STARD9: variants seen among roughly 807,000 people sequenced by gnomAD.
STARD9 encodes the protein StAR related lipid transfer domain containing 9, also known as stAR-related lipid transfer protein 9.
Under a neutral mutation model 399.8 loss-of-function variants are expected in STARD9, and 346 were observed. The observed-to-expected ratio is 0.87, with a 90% CI of 0.79 to 0.95. STARD9 has a LOEUF of 0.95. STARD9 is among the 40% of genes least tolerant of loss of function. The pLI, the probability that STARD9 is intolerant of heterozygous loss-of-function variation, is 0.00. For synonymous variants in STARD9, 2,203 were observed against 2,143.5 expected (o/e 1.03, Z -0.77); for missense variants, 5,832 against 5,667.5 (o/e 1.03, Z -0.93).
At chr15:42,642,281 T>TTGA (rs1350580778) in intron 7 of STARD9, among the ~76,000 whole-genome samples, 1 of 152,244 alleles carries the variant, frequency 6.6e-6, no homozygotes, top group African/African-American at 2.4e-5. Flanking sequence ...GAGATGGACC[T>TTGA]TGATAGCTAC....
chr15:42,689,828 T>C lies in STARD9; in HGVS notation c.8250T>C (p.Tyr2750=), dbSNP rs1261277969. Residue 2750 remains tyrosine (Y), a synonymous_variant, in exon 23 of 33, where the codon TAT becomes TAC. Transcript: ENST00000290607. ...CTGCCTTACCTTCTCAGGCCCCTTATGATGATCCTAGAGTGACTCTGCATG... is the reference window on the plus strand; with the variant it reads ...CTGCCTTACCTTCTCAGGCCCCTTACGATGATCCTAGAGTGACTCTGCATG... ...VVAALPSQAP[Y]DDPRVTLHEL... 1.3e-6 allele frequency: 2 copies of C among 1,537,264 alleles called. No individual in the cohort carries two copies. Among genetic ancestry groups the C allele is most frequent in the South Asian group, 1.2e-5 (1 of 84,060 alleles).
At chr15:42,577,289 G>T (rs543793876) in intron 1 of STARD9, among the ~76,000 whole-genome samples, 9 of 152,242 alleles carry the variant, frequency 5.9e-5, no homozygotes, top group Non-Finnish European at 1.0e-4. Flanking sequence ...CAGCAGCTGG[G>T]ACTACAGGCA....
At chr15:42,715,078 C>CA (rs111810960) in intron 26 of STARD9, among the ~76,000 whole-genome samples, 199 of 134,258 alleles carry the variant, frequency 1.5e-3, no homozygotes, top group Middle Eastern at 7.6e-3. Flanking sequence ...GATGTATCAA[C>CA]AAAAAAAAAA....
intron 26 of STARD9, among the ~76,000 whole-genome samples, chr15:42,701,271 T>C (rs8028699): frequency 0.06 from 9,212 of 152,278 alleles, 629 homozygotes; most frequent in African/African-American, 0.18. Flanking sequence ...GGATTATTTT[T>C]TCTATGAAGA....
In STARD9 at chr15:42,690,205, G is replaced by A. The variant is rs2140272319; in HGVS notation, c.8627G>A (p.Cys2876Tyr). ...LEAPTQQCVQ[C>Y]KESVGSGLTE... The stretch of plus-strand genomic sequence containing the variant: ...GCTCCCACACAGCAGTGTGTGCAGT[G>A]TAAGGAGAGTGTTGGGTCTGGGTTG... The change falls in exon 23 of 33, where the codon TGT (cysteine) becomes TAT (tyrosine). Residue 2876 changes from cysteine to tyrosine, a missense_variant. By Grantham distance (194) the Cys-to-Tyr change is radical. Transcript: ENST00000290607. 6.5e-7 allele frequency: 1 copy of A among 1,537,756 alleles called. No homozygotes were observed. The highest frequency in any genetic ancestry group is 2.4e-5 in the East Asian group (1 of 40,924).
intron 3 of STARD9, among the ~76,000 whole-genome samples, chr15:42,603,277 A>G (rs2058666387): frequency 6.6e-6 from 1 of 152,044 alleles, no homozygotes; most frequent in African/African-American, 2.4e-5. Context: ...ACGTGCTACC[A>G]CACCTGACTA....
At chr15:42,601,800 A>G (rs907294737) in intron 3 of STARD9, among the ~76,000 whole-genome samples, 2 of 152,248 alleles carry the variant, frequency 1.3e-5, no homozygotes, top group Non-Finnish European at 2.9e-5. Context: ...ATGATCTGCA[A>G]AAAATTTACA....
intron 20 of STARD9, among the ~76,000 whole-genome samples, chr15:42,676,583 C>T (rs183448454): frequency 5.9e-5 from 9 of 152,264 alleles, no homozygotes; most frequent in Admixed American, 2.6e-4. Context: ...AACATTGAGT[C>T]AGAGTTTTAT....
chr15:42,649,328 C>T (rs781751872), intron 7 of STARD9, among the ~76,000 whole-genome samples: 1 of 152,136 alleles, frequency 6.6e-6, no homozygotes, highest in Non-Finnish European at 1.5e-5. Flanking sequence ...GCACCCGGCT[C>T]CCTCCATATT....
intron 26 of STARD9, among the ~76,000 whole-genome samples, chr15:42,705,420 G>C (rs117170089): frequency 2.0e-5 from 3 of 152,066 alleles, no homozygotes; most frequent in Admixed American, 6.6e-5. Flanking sequence ...TTGTGCCTCT[G>C]TGTTACTGAT....
chr15:42,684,895 A>C lies in STARD9; in HGVS notation c.3317A>C (p.Asn1106Thr). ...KDNDLSDTDSNYSLDSLSCVY... is the reference protein window; with the variant it reads ...KDNDLSDTDSTYSLDSLSCVY... ...AATGATTTATCTGACACAGATAGCA[A>C]CTACTCATTGGATTCTCTCTCATGT... The change falls in exon 23 of 33, where the codon AAC (asparagine) becomes ACC (threonine). Residue 1106 changes from asparagine to threonine, a missense_variant. Asn to Thr is a moderately conservative substitution (Grantham distance 65). Coordinates refer to ENST00000290607, the MANE Select transcript of STARD9 (RefSeq NM_020759.3). The C allele has an allele frequency of 1.3e-6, 2 of 1,537,118 alleles. No homozygotes were observed. Among genetic ancestry groups the C allele is most frequent in the African/African-American group, 1.4e-5 (1 of 73,186 alleles).
At chr15:42,616,427 A>G (rs376952662) in intron 3 of STARD9, among the ~76,000 whole-genome samples, 1 of 152,244 alleles carries the variant, frequency 6.6e-6, no homozygotes, top group African/African-American at 2.4e-5. Context: ...TTGAGGAACA[A>G]TTTTAAATTG....
intron 3 of STARD9, among the ~76,000 whole-genome samples, chr15:42,621,075 TC>T (rs2059083240): frequency 6.6e-6 from 1 of 152,168 alleles, no homozygotes; most frequent in African/African-American, 2.4e-5. Context: ...ATTTGGATTG[TC>T]CAGTGTCTCC....
chr15:42,706,209 T>C (rs1047442304), intron 26 of STARD9, among the ~76,000 whole-genome samples: 2 of 152,206 alleles, frequency 1.3e-5, no homozygotes, highest in Non-Finnish European at 2.9e-5. Context: ...GGTTCAAGCT[T>C]TCTTTTTATG....
chr15:42,624,613 A>G (rs2059160212), intron 3 of STARD9, among the ~76,000 whole-genome samples: 1 of 151,666 alleles, frequency 6.6e-6, no homozygotes, highest in South Asian at 2.1e-4. Context: ...CAGTGACGCA[A>G]TCTTGGCTCG....
intron 32 of STARD9, 48 bp from the exon 33 acceptor site, chr15:42,719,425 T>G: frequency 1.6e-6 from 2 of 1,251,298 alleles, no homozygotes; most frequent in Non-Finnish European, 2.3e-6. Flanking sequence ...ACGCCTGGCA[T>G]TCTCTCAAAT....
chr15:42,717,914 TTG>T, intron 29 of STARD9, 61 bp from the exon 30 acceptor site: 1 of 1,514,398 alleles, frequency 6.6e-7, no homozygotes, highest in East Asian at 2.5e-5. Flanking sequence ...AGCCCCTCCT[TTG>T]TGACCCTTAG....
chr15:42,669,375 T>A, intron 16 of STARD9, 38 bp downstream of exon 16: 1 of 1,469,172 alleles, frequency 6.8e-7, no homozygotes, highest in Non-Finnish European at 9.1e-7. Context: ...CCTAAGCCAC[T>A]GGTTCCAGAG....
chr15:42,685,382 C>T lies in STARD9; in HGVS notation c.3804C>T (p.Val1268=), dbSNP rs1457313008. The T allele has an allele frequency of 2.0e-6, 3 of 1,536,956 alleles. No homozygotes were observed. The South Asian group carries it at 3.6e-5, about 18-fold the overall frequency. ...GAACAGCAGCTAGGCTGGATGCCGT[C>T]CTGCCAATGAGCAGTTCGTTTTACC... ...NYRTAARLDA[V]LPMSSSFYLD... The change falls in exon 23 of 33, where the codon GTC becomes GTT. Residue 1268 remains valine (V), a synonymous_variant. Coordinates refer to ENST00000290607, the MANE Select transcript of STARD9 (RefSeq NM_020759.3).
Sources: allele counts gnomAD v4.1 joint callset (sites outside exome capture counted in the v4.1 genomes callset), GRCh38; gene constraint gnomAD v4.1.1; transcripts MANE v1.5; gene names NCBI Gene and HGNC (gene_info 2026-07-23, HGNC 2026-07-21).